Variants in OR51B5 observed in about 807,000 individuals in gnomAD.
The protein encoded by OR51B5 is olfactory receptor 51B5.
For missense variants in OR51B5, 456 were observed against 374.6 expected (o/e 1.22, Z -1.79); for synonymous variants, 186 against 144.8 (o/e 1.28, Z -2.04).
At chr11:5,440,330 GTTAC>G (rs1221419884) in intron 1 of OR51B5, among the ~76,000 whole-genome samples, 1 of 152,010 alleles carries the variant, frequency 6.6e-6, no homozygotes, top group African/African-American at 2.4e-5. Flanking sequence ...TGTCTATCTG[GTTAC>G]TTGACAATAT....
At chr11:5,371,314 T>C (rs4910774) in intron 1 of OR51B5, among the ~76,000 whole-genome samples, 34,646 of 151,998 alleles carry the variant, frequency 0.23, 4,227 homozygotes, top group Non-Finnish European at 0.26. Context: ...TTCAAAAAAA[T>C]TGAACATATA....
chr11:5,481,541 T>C (rs1851420177), intron 1 of OR51B5, among the ~76,000 whole-genome samples: 2 of 149,394 alleles, frequency 1.3e-5, no homozygotes, highest in South Asian at 4.3e-4. Flanking sequence ...ATAAAGGGTA[T>C]TCAAGCAGGA....
intron 1 of OR51B5, among the ~76,000 whole-genome samples, chr11:5,445,496 A>T (rs1850746911): frequency 6.6e-6 from 1 of 152,030 alleles, no homozygotes; most frequent in African/African-American, 2.4e-5. Flanking sequence ...CCAAACAGAT[A>T]AAAACAGATT....
chr11:5,431,902 T>C (rs1445692963), intron 1 of OR51B5, among the ~76,000 whole-genome samples: 1 of 152,208 alleles, frequency 6.6e-6, no homozygotes, highest in Non-Finnish European at 1.5e-5. Context: ...TATGGATGCA[T>C]AATATTTGTA....
At position 5,465,048 on chromosome 11, in the gene OR51B5, T is replaced by C. The variant is rs149760245; in HGVS notation, n.84+40521A>G. Among the ~76,000 whole-genome samples the C allele has an allele frequency of 6.7e-4, 102 of 151,684 alleles. 2 individuals are homozygous for C. The East Asian group carries it at 0.018, about 27-fold the overall frequency. ...GGTGAAACCCCGTCTCTACTAAAAATACAGAAAATTGTCCGGGCGTAGTGG... is the reference window on the plus strand; with the variant it reads ...GGTGAAACCCCGTCTCTACTAAAAACACAGAAAATTGTCCGGGCGTAGTGG... On this transcript the variant is annotated intron_variant and non_coding_transcript_variant, in intron 1 of 4. Transcript: ENST00000415970.
At chr11:5,471,108 A>T (rs1851221457) in intron 1 of OR51B5, among the ~76,000 whole-genome samples, 1 of 152,218 alleles carries the variant, frequency 6.6e-6, no homozygotes, top group South Asian at 2.1e-4. Flanking sequence ...GCTGCTGTAC[A>T]TACTCACACA....
intron 1 of OR51B5, among the ~76,000 whole-genome samples, chr11:5,404,151 C>T (rs1455382726): frequency 1.0e-3 from 12 of 11,824 alleles, no homozygotes; most frequent in African/African-American, 2.1e-3. Flanking sequence ...GGGTCGGGGG[C>T]GGGGGGAGGG....
upstream of OR51B5, among the ~76,000 whole-genome samples, chr11:5,343,896 A>AAAGCTAACACTAATTTTTTT (rs1328666635): frequency 1.3e-5 from 2 of 152,256 alleles, no homozygotes; most frequent in Non-Finnish European, 2.9e-5. Flanking sequence ...GGATTTCCAG[A>AAAGCTAACACTAATTTTTTT]AAGCTAACAC....
intron 1 of OR51B5, among the ~76,000 whole-genome samples, chr11:5,378,364 GA>G (rs1369347561): frequency 6.6e-6 from 1 of 151,972 alleles, no homozygotes; most frequent in Non-Finnish European, 1.5e-5. Context: ...AACCCTAGAA[GA>G]AAACGCAGGC....
At chr11:5,488,735 A>G in intron 1 of OR51B5, 1 of 1,613,806 alleles carries the variant, frequency 6.2e-7, no homozygotes, top group Non-Finnish European at 8.5e-7. Flanking sequence ...AGTGATAACC[A>G]TCTTCCAGAC....
At chr11:5,377,927 C>A (rs997607140) in intron 1 of OR51B5, among the ~76,000 whole-genome samples, 1 of 152,056 alleles carries the variant, frequency 6.6e-6, no homozygotes, top group African/African-American at 2.4e-5. Flanking sequence ...CATCAAGCTA[C>A]CAATGATTTT....
intron 1 of OR51B5, among the ~76,000 whole-genome samples, chr11:5,467,962 G>A (rs1851163378): frequency 6.6e-6 from 1 of 152,084 alleles, no homozygotes; most frequent in African/African-American, 2.4e-5. Flanking sequence ...TCCATGTGTT[G>A]TATGGTTTCT....
intron 1 of OR51B5, among the ~76,000 whole-genome samples, chr11:5,380,828 A>G (rs887727197): frequency 6.6e-6 from 1 of 152,186 alleles, no homozygotes; most frequent in Admixed American, 6.5e-5. Flanking sequence ...GGTATTGAGG[A>G]CACGGGAAGG....
chr11:5,473,152 G>A (rs559286932), intron 1 of OR51B5, among the ~76,000 whole-genome samples: 12 of 152,322 alleles, frequency 7.9e-5, no homozygotes, highest in African/African-American at 2.4e-4. Flanking sequence ...ATTTGAAACA[G>A]TATCACATTG....
chr11:5,371,327 T>G (rs1037488101), intron 1 of OR51B5, among the ~76,000 whole-genome samples: 1 of 152,242 alleles, frequency 6.6e-6, no homozygotes, highest in Admixed American at 6.5e-5. Flanking sequence ...AACATATAAT[T>G]CTCATTCTCT....
At chr11:5,504,318 G>A (rs556969955) in intron 1 of OR51B5, among the ~76,000 whole-genome samples, 1 of 152,288 alleles carries the variant, frequency 6.6e-6, no homozygotes, top group East Asian at 1.9e-4. Flanking sequence ...CAGTATTGCA[G>A]ACTTTAACAC....
rs950114173 is a variant in OR51B5 at position 5,355,999 on chromosome 11, A to C, written n.85-9089T>G. Among the ~76,000 whole-genome samples the C allele has an allele frequency of 4.8e-5, 7 of 146,566 alleles. No individual in the cohort carries two copies. The Admixed American group carries it at 4.8e-4, about 10-fold the overall frequency. On this transcript the variant is annotated intron_variant and non_coding_transcript_variant, in intron 1 of 4. Transcript: ENST00000415970. ...TGTACGTCACCATCATCAAAGACCA[A>C]AGGTAGATAAAACCACAAAGATGGG...
chr11:5,504,164 T>A (rs998492900), intron 1 of OR51B5, among the ~76,000 whole-genome samples: 1 of 152,188 alleles, frequency 6.6e-6, no homozygotes, highest in Non-Finnish European at 1.5e-5. Flanking sequence ...TATGGGCATG[T>A]GTTTATGATG....
chr11:5,470,200 T>C (rs1181409839), intron 1 of OR51B5, among the ~76,000 whole-genome samples: 1 of 152,210 alleles, frequency 6.6e-6, no homozygotes, highest in African/African-American at 2.4e-5. Context: ...CAAATCAGCA[T>C]GTGTTTAAAC....
Sources: gnomAD v4.1 joint callset for allele counts (sites outside exome capture counted in the v4.1 genomes callset) on GRCh38, gnomAD v4.1.1 for gene constraint, MANE v1.5 for transcripts, NCBI Gene and HGNC (gene_info 2026-07-23, HGNC 2026-07-21) for gene names.